SLC10A7: variants seen among roughly 807,000 people sequenced by gnomAD.
The protein encoded by SLC10A7 is solute carrier family 10 member 7, also known as sodium/bile acid cotransporter 7.
A neutral mutation model predicts 43.2 loss-of-function variants in SLC10A7; 29 were observed. That is an observed-to-expected ratio of 0.67 (90% confidence interval 0.50 to 0.92). The LOEUF (loss-of-function observed/expected upper bound fraction) is 0.92, where lower values mean the gene tolerates loss of function less well. SLC10A7 is among the 40% of genes least tolerant of loss of function. The probability of loss-of-function intolerance (pLI) is 0.00; values close to 1 mark genes in which losing one functional copy is unlikely to be tolerated. For missense variants in SLC10A7, 295 were observed against 403.2 expected (o/e 0.73, Z 2.30); for synonymous variants, 152 against 144.8 (o/e 1.05, Z -0.35).
At chr4:146,400,399 C>T (rs952764947) in intron 5 of SLC10A7, among the ~76,000 whole-genome samples, 1 of 152,038 alleles carries the variant, frequency 6.6e-6, no homozygotes, top group Non-Finnish European at 1.5e-5. Context: ...TAAAATAGGG[C>T]AGTGGCTAAA....
chr4:146,427,919 C>T (rs1306006139), intron 5 of SLC10A7, among the ~76,000 whole-genome samples: 1 of 151,956 alleles, frequency 6.6e-6, no homozygotes, highest in Non-Finnish European at 1.5e-5. Context: ...ACCTGTAATC[C>T]TAGCACTTTA....
At chr4:146,322,040 T>C (rs1732747693) in intron 6 of SLC10A7, among the ~76,000 whole-genome samples, 1 of 152,170 alleles carries the variant, frequency 6.6e-6, no homozygotes, top group Non-Finnish European at 1.5e-5. Flanking sequence ...ATTGAGGGTC[T>C]TGGCAAGTCT....
At position 146,263,508 on chromosome 4, in the gene SLC10A7, C is replaced by T. The variant is rs932630815; in HGVS notation, c.848-4671G>A. Among the ~76,000 whole-genome samples, 17 of 152,058 alleles carry T rather than the reference C, an allele frequency of 1.1e-4. 1 individual carries two copies. The highest frequency in any genetic ancestry group is 2.1e-4 in the South Asian group (1 of 4,804). On this transcript the variant is annotated intron_variant, in intron 10 of 11. Transcript: ENST00000335472. ...AAAAAAAAAGTAATAATTAAAAAAC[C>T]CAAACAAACTTACTAGAAAGAGTTT...
chr4:146,430,549 C>A (rs916490473), intron 5 of SLC10A7, among the ~76,000 whole-genome samples: 11 of 151,966 alleles, frequency 7.2e-5, no homozygotes, highest in Admixed American at 1.3e-4. Flanking sequence ...AATAAAAAAA[C>A]CAAAATACAA....
At chr4:146,425,653 G>A (rs1026972496) in intron 5 of SLC10A7, among the ~76,000 whole-genome samples, 2 of 152,154 alleles carry the variant, frequency 1.3e-5, no homozygotes, top group Non-Finnish European at 2.9e-5. Context: ...CTTAAAACAT[G>A]AGTCAATGTC....
intron 6 of SLC10A7, among the ~76,000 whole-genome samples, chr4:146,319,518 T>C (rs1249612591): frequency 6.6e-6 from 1 of 152,096 alleles, no homozygotes; most frequent in African/African-American, 2.4e-5. Flanking sequence ...TTTCTACTTA[T>C]CTGTTGGTTC....
chr4:146,508,396 A>C lies in SLC10A7; in HGVS notation c.320+1517T>G, dbSNP rs1439706982. ...GTAACTATTGGTTCTTGATATGCATAATACATTTTTGCTCTAAAATGATGT... is the reference window on the plus strand; with the variant it reads ...GTAACTATTGGTTCTTGATATGCATCATACATTTTTGCTCTAAAATGATGT... On this transcript the variant is annotated intron_variant, in intron 3 of 11. Transcript: ENST00000335472. Among the ~76,000 whole-genome samples the C allele has an allele frequency of 2.0e-5, 3 of 152,192 alleles. No homozygotes were observed. In the East Asian group the frequency reaches 5.8e-4, roughly 29 times the overall value.
At chr4:146,260,276 G>C (rs1728141561) in intron 10 of SLC10A7, among the ~76,000 whole-genome samples, 1 of 152,146 alleles carries the variant, frequency 6.6e-6, no homozygotes, top group Non-Finnish European at 1.5e-5. Context: ...GTTACAATGA[G>C]AAAATAAAAT....
At chr4:146,335,936 A>G (rs1338480781) in intron 5 of SLC10A7, among the ~76,000 whole-genome samples, 2 of 152,114 alleles carry the variant, frequency 1.3e-5, no homozygotes, top group East Asian at 3.9e-4. Context: ...AGCGCCAGCA[A>G]CATTGATTTC....
intron 10 of SLC10A7, among the ~76,000 whole-genome samples, chr4:146,277,142 T>C (rs1729260377): frequency 6.6e-6 from 1 of 152,178 alleles, no homozygotes; most frequent in South Asian, 2.1e-4. Context: ...TAAATGTAGA[T>C]TGTGGTTAAA....
chr4:146,398,295 G>A (rs868271136), intron 5 of SLC10A7, among the ~76,000 whole-genome samples: 27 of 152,184 alleles, frequency 1.8e-4, no homozygotes, highest in African/African-American at 4.3e-4. Context: ...ACATACACTC[G>A]TATATACACA....
chr4:146,268,933 T>A (rs1728730929), intron 10 of SLC10A7, among the ~76,000 whole-genome samples: 1 of 152,108 alleles, frequency 6.6e-6, no homozygotes. Flanking sequence ...AAAATAACCG[T>A]TACACAGAAA....
intron 4 of SLC10A7, among the ~76,000 whole-genome samples, chr4:146,500,513 A>G (rs1423982421): frequency 2.0e-5 from 3 of 152,138 alleles, no homozygotes; most frequent in East Asian, 3.8e-4. Context: ...GTTATTATAA[A>G]TAAACAGCCC....
intron 4 of SLC10A7, among the ~76,000 whole-genome samples, chr4:146,468,759 G>C (rs1282825448): frequency 1.3e-5 from 2 of 152,048 alleles, no homozygotes; most frequent in Non-Finnish European, 2.9e-5. Flanking sequence ...ACCGCGCCTG[G>C]CCAGCAAGGC....
chr4:146,516,238 T>C (rs1399172820), intron 2 of SLC10A7, among the ~76,000 whole-genome samples: 1 of 151,988 alleles, frequency 6.6e-6, no homozygotes, highest in Non-Finnish European at 1.5e-5. Flanking sequence ...TTCTCCTCTT[T>C]TTTTTTCTTC....
chr4:146,388,312 T>C (rs1022355933), intron 5 of SLC10A7, among the ~76,000 whole-genome samples: 1 of 152,094 alleles, frequency 6.6e-6, no homozygotes, highest in African/African-American at 2.4e-5. Context: ...GACAAAGATA[T>C]ACACTGGGGA....
intron 4 of SLC10A7, among the ~76,000 whole-genome samples, chr4:146,475,510 C>T (rs1464116369): frequency 6.6e-6 from 1 of 152,148 alleles, no homozygotes; most frequent in South Asian, 2.1e-4. Flanking sequence ...ACATCCTTGC[C>T]TTCCACGATT....
chr4:146,521,701 C>G lies in SLC10A7; in HGVS notation c.17G>C (p.Arg6Thr). 1 of 1,614,182 alleles carries G rather than the reference C, an allele frequency of 6.2e-7. No individual in the cohort carries two copies. The highest frequency in any genetic ancestry group is 8.5e-7 in the Non-Finnish European group (1 of 1,180,008). Residue 6 changes from arginine to threonine, a missense_variant, in exon 1 of 12, where the codon AGA becomes ACA. Arg to Thr is a moderately conservative substitution (Grantham distance 71). Coordinates refer to ENST00000335472, the MANE Select transcript of SLC10A7 (RefSeq NM_001029998.6). Reference protein sequence around the residue: MRLLERMRKDWFMVGI... With the variant: MRLLETMRKDWFMVGI... ...GACCATGAACCAGTCTTTCCTCATT[C>G]TCTCCAGCAGCCTCATATTTGTTAG...
At chr4:146,463,535 G>A (rs1006958031) in intron 4 of SLC10A7, among the ~76,000 whole-genome samples, 3 of 152,054 alleles carry the variant, frequency 2.0e-5, no homozygotes, top group African/African-American at 7.2e-5. Context: ...GAGGCCAGAA[G>A]TTCAAGGCCA....
Sources: gnomAD v4.1 joint callset for allele counts (sites outside exome capture counted in the v4.1 genomes callset) on GRCh38, gnomAD v4.1.1 for gene constraint, MANE v1.5 for transcripts, NCBI Gene and HGNC (gene_info 2026-07-23, HGNC 2026-07-21) for gene names.